The following XYLT1 variants were observed in gnomAD, a reference collection of about 807,000 sequenced individuals.
The protein encoded by XYLT1 is beta-D-xylosyltransferase 1.
Under a neutral mutation model 91.3 loss-of-function variants are expected in XYLT1, and 36 were observed. The observed-to-expected ratio is 0.39, with a 90% CI of 0.30 to 0.52. XYLT1 has a LOEUF of 0.52. Ranked by LOEUF, XYLT1 falls within the 20% of genes least tolerant of loss-of-function variation. The probability of loss-of-function intolerance (pLI) is 0.68; values close to 1 mark genes in which losing one functional copy is unlikely to be tolerated. For missense variants in XYLT1, 1,242 were observed against 1,284.5 expected (o/e 0.97, Z 0.51); for synonymous variants, 588 against 532.0 (o/e 1.11, Z -1.45).
chr16:17,398,069 T>C (rs2035912931), intron 1 of XYLT1, among the ~76,000 whole-genome samples: 1 of 152,046 alleles, frequency 6.6e-6, no homozygotes, highest in African/African-American at 2.4e-5. Context: ...AACAGCTCTT[T>C]CACATATACG....
rs1966798292 is a variant in XYLT1 at position 17,107,793 on chromosome 16, A to G, written c.*902T>C. On this transcript the variant is annotated 3_prime_UTR_variant, in exon 12 of 12. Coordinates refer to ENST00000261381, the MANE Select transcript of XYLT1 (RefSeq NM_022166.4). ...CATGGTCATGGCTGTCAAAGTTCCC[A>G]TTTTCAAGGATCAAAGAAGGTCATG... The G allele has an allele frequency of 6.6e-6, 1 of 152,502 alleles. No homozygotes were observed. The highest frequency in any genetic ancestry group is 2.4e-5 in the African/African-American group (1 of 41,386). The allele number at this position is 152,502 out of a possible 1,614,324, so 9.4% of individuals were successfully genotyped here. A position where few individuals can be genotyped will look rare whatever the true frequency, so the allele number is the denominator to read the frequency against.
intron 1 of XYLT1, among the ~76,000 whole-genome samples, chr16:17,397,279 G>A (rs907148856): frequency 6.6e-6 from 1 of 152,048 alleles, no homozygotes; most frequent in African/African-American, 2.4e-5. Context: ...CATTGCCATC[G>A]ACCTCTATCT....
At chr16:17,404,656 C>T (rs1451266913) in intron 1 of XYLT1, among the ~76,000 whole-genome samples, 1 of 152,134 alleles carries the variant, frequency 6.6e-6, no homozygotes, top group South Asian at 2.1e-4. Context: ...TCAGAGTTGG[C>T]CAGGCACAGG....
chr16:17,419,634 T>C (rs1041717317), intron 1 of XYLT1, among the ~76,000 whole-genome samples: 7 of 152,262 alleles, frequency 4.6e-5, no homozygotes, highest in African/African-American at 1.7e-4. Flanking sequence ...CTTGGTACTT[T>C]AATTTTGCAT....
At chr16:17,323,361 C>T (rs765225391) in intron 2 of XYLT1, among the ~76,000 whole-genome samples, 1 of 152,194 alleles carries the variant, frequency 6.6e-6, no homozygotes, top group African/African-American at 2.4e-5. Context: ...TTGGCATCTT[C>T]GCGCAGACGG....
At chr16:17,246,341 T>C (rs1257161915) in intron 3 of XYLT1, among the ~76,000 whole-genome samples, 1 of 152,210 alleles carries the variant, frequency 6.6e-6, no homozygotes, top group African/African-American at 2.4e-5. Flanking sequence ...CCCTGTTCTT[T>C]CTGGCTGCAG....
intron 1 of XYLT1, among the ~76,000 whole-genome samples, chr16:17,411,108 C>A (rs2036101862): frequency 6.6e-6 from 1 of 152,196 alleles, no homozygotes; most frequent in African/African-American, 2.4e-5. Flanking sequence ...TGCTGGAAGA[C>A]CTTGGGCAAA....
chr16:17,429,691 G>A (rs1487243134), intron 1 of XYLT1, among the ~76,000 whole-genome samples: 3 of 152,204 alleles, frequency 2.0e-5, no homozygotes. Context: ...TCAGCCAGTA[G>A]ATGGAGGGCC....
At chr16:17,161,448 T>C (rs945898041) in intron 5 of XYLT1, among the ~76,000 whole-genome samples, 1 of 152,120 alleles carries the variant, frequency 6.6e-6, no homozygotes, top group Non-Finnish European at 1.5e-5. Flanking sequence ...CCCCCCTTGC[T>C]AGGGTCTCGG....
At chr16:17,280,183 T>A (rs2034036619) in intron 2 of XYLT1, among the ~76,000 whole-genome samples, 1 of 152,166 alleles carries the variant, frequency 6.6e-6, no homozygotes, top group South Asian at 2.1e-4. Context: ...AAACCTCGTC[T>A]CTAATAAAGC....
chr16:17,245,645 T>C (rs1260189181), intron 3 of XYLT1, among the ~76,000 whole-genome samples: 1 of 152,218 alleles, frequency 6.6e-6, no homozygotes, highest in Non-Finnish European at 1.5e-5. Flanking sequence ...ACTTTATCAT[T>C]GTATAAATTT....
chr16:17,289,031 A>C (rs966028657), intron 2 of XYLT1, among the ~76,000 whole-genome samples: 1 of 152,166 alleles, frequency 6.6e-6, no homozygotes, highest in Admixed American at 6.5e-5. Context: ...TGGAGCTGGG[A>C]TTCTACACCA....
chr16:17,169,606 AC>A (rs1041442847), intron 5 of XYLT1, among the ~76,000 whole-genome samples: 21 of 125,350 alleles, frequency 1.7e-4, no homozygotes, highest in African/African-American at 6.1e-4. Context: ...CCACGCAGGA[AC>A]CCAGGACGCC....
intron 1 of XYLT1, among the ~76,000 whole-genome samples, chr16:17,420,778 C>T (rs1795681898): frequency 6.6e-6 from 1 of 152,116 alleles, no homozygotes; most frequent in South Asian, 2.1e-4. Flanking sequence ...GACTAATGCC[C>T]AATAATGACC....
At chr16:17,177,914 G>A (rs1253302865) in intron 5 of XYLT1, among the ~76,000 whole-genome samples, 1 of 152,228 alleles carries the variant, frequency 6.6e-6, no homozygotes, top group African/African-American at 2.4e-5. Context: ...CGAGCTCTGT[G>A]CTTTTAGCGG....
At chr16:17,403,539 G>T (rs980778613) in intron 1 of XYLT1, 5 of 152,222 alleles carry the variant, frequency 3.3e-5, no homozygotes, top group Admixed American at 6.5e-5. Context: ...GAGAGCTTGT[G>T]TAGGGAAACT....
At chr16:17,186,449 C>T (rs1378232756) in intron 5 of XYLT1, among the ~76,000 whole-genome samples, 1 of 149,504 alleles carries the variant, frequency 6.7e-6, no homozygotes, top group Non-Finnish European at 1.5e-5. Flanking sequence ...TACAGGGGTG[C>T]ACCACCACAC....
Position 17,470,528 on chromosome 16 carries a change from C to A in XYLT1, c.269G>T (p.Gly90Val). 1 of 1,221,478 alleles carries A rather than the reference C, an allele frequency of 8.2e-7. No homozygotes were observed. The highest frequency in any genetic ancestry group is 4.1e-5 in the South Asian group (1 of 24,414). The allele number at this position is 1,221,478 out of a possible 1,614,324, so 75.7% of individuals were successfully genotyped here. ...CCGCGCCCGCGCCTGGGGCCCCCGT[C>A]CTCCTCCTCCTCCGCCGCCGCCTCC... ...GGGGGGGGGG[G>V]RGPQARARGG... Residue 90 changes from glycine (G) to valine (V), a missense_variant, in exon 1 of 12, where the codon GGA (glycine) becomes GTA (valine). Physicochemically the swap from Gly to Val is moderately radical, Grantham distance 109. Coordinates refer to ENST00000261381, the MANE Select transcript of XYLT1 (RefSeq NM_022166.4).
chr16:17,241,028 A>G (rs2033337132), intron 3 of XYLT1, among the ~76,000 whole-genome samples: 1 of 151,854 alleles, frequency 6.6e-6, no homozygotes, highest in African/African-American at 2.4e-5. Flanking sequence ...GAGCCAGAGA[A>G]CTCCGGCGTA....
Sources: gnomAD v4.1 joint callset for allele counts (sites outside exome capture counted in the v4.1 genomes callset) on GRCh38, gnomAD v4.1.1 for gene constraint, MANE v1.5 for transcripts, NCBI Gene and HGNC (gene_info 2026-07-23, HGNC 2026-07-21) for gene names.